Variants in RPH3AL observed in about 807,000 individuals in gnomAD.
RPH3AL encodes rabphilin 3A like (without C2 domains), also known as rab effector Noc2.
Under a neutral mutation model 43.1 loss-of-function variants are expected in RPH3AL, and 38 were observed. The observed-to-expected ratio is 0.88, with a 90% CI of 0.68 to 1.15. The LOEUF (loss-of-function observed/expected upper bound fraction) is 1.15. Among genes scored for constraint, RPH3AL ranks in the 50% most tolerant of loss-of-function variants. RPH3AL has a pLI of 0.00. For missense variants in RPH3AL, 462 were observed against 423.2 expected (o/e 1.09, Z -0.81); for synonymous variants, 189 against 176.3 (o/e 1.07, Z -0.57).
At chr17:247,496 T>G (rs2041796115) in intron 6 of RPH3AL, 1 of 529,630 alleles carries the variant, frequency 1.9e-6, no homozygotes, top group Non-Finnish European at 3.3e-6. Flanking sequence ...TTTCTCTCCC[T>G]TATTTTAGAG....
intron 1 of RPH3AL, among the ~76,000 whole-genome samples, chr17:348,093 T>TAAA (rs71145709): frequency 4.2e-5 from 6 of 142,376 alleles, no homozygotes; most frequent in Admixed American, 2.8e-4. Flanking sequence ...AAGGAGCAGT[T>TAAA]AAAAAAAAAA....
At chr17:301,061 G>C (rs942126483) in intron 5 of RPH3AL, among the ~76,000 whole-genome samples, 21 of 152,260 alleles carry the variant, frequency 1.4e-4, no homozygotes, top group African/African-American at 5.1e-4. Flanking sequence ...CCAGGGCAAG[G>C]CCTCAGGCCC....
At chr17:235,899 A>G (rs11655748) in intron 7 of RPH3AL, among the ~76,000 whole-genome samples, 14,425 of 94,440 alleles carry the variant, frequency 0.15, 1,457 homozygotes, top group Middle Eastern at 0.25. Context: ...CAAGAGGGAT[A>G]CAGGGTTCAA....
chr17:241,008 G>A lies in RPH3AL; in HGVS notation c.613+6103C>T, dbSNP rs145446612. Among the ~76,000 whole-genome samples, 1,216 of 151,990 alleles carry A rather than the reference G, an allele frequency of 8.0e-3. 16 individuals carry two copies. The highest frequency in any genetic ancestry group is 0.027 in the African/African-American group (1,137 of 41,470). On this transcript the variant is annotated intron_variant, in intron 7 of 9. Coordinates refer to ENST00000331302, the MANE Select transcript of RPH3AL (RefSeq NM_006987.4). ...GGAGGCAGAGGTTGCAGTGAGCCGA[G>A]ATTGTGCCACTGCACTCCAGCCTGG... is the stretch of plus-strand genomic sequence containing the variant.
intron 6 of RPH3AL, among the ~76,000 whole-genome samples, chr17:249,271 C>T (rs979850047): frequency 1.3e-5 from 2 of 152,104 alleles, no homozygotes; most frequent in Admixed American, 1.3e-4. Context: ...GGTTCCGAGC[C>T]GACGTCCTGA....
Position 225,567 on chromosome 17 carries a change from C to T in RPH3AL, c.614-5831G>A, listed in dbSNP as rs2041089332. ...TCCCATGTTGCCCTTGGGGCAGCTA[C>T]AGTGAAATTAGAGGCCTGTGGCTCA... On this transcript the variant is annotated intron_variant, in intron 7 of 9. Coordinates refer to ENST00000331302, the MANE Select transcript of RPH3AL (RefSeq NM_006987.4). This position sits in a 1 kb window ranked among gnomAD's most constrained non-coding sequence, Gnocchi z 4.4. 6.6e-6 allele frequency among the ~76,000 whole-genome samples: 1 copy of T among 152,192 alleles called. No individual in the cohort carries two copies. The highest frequency in any genetic ancestry group is 2.1e-4 in the South Asian group (1 of 4,832).
rs1005177190 is a variant in RPH3AL, at chr17:245,240, G to A, written c.613+1871C>T. ...CCATGTGGATGTGTGTGTGCGTGTG[G>A]ATGAGAGCATGTGTGTGTGCACGTG... On this transcript the variant is annotated intron_variant, in intron 7 of 9. Coordinates refer to ENST00000331302, the MANE Select transcript of RPH3AL (RefSeq NM_006987.4). This position sits in a 1 kb window ranked among gnomAD's most constrained non-coding sequence, Gnocchi z 5.9. Among the ~76,000 whole-genome samples the A allele has an allele frequency of 2.7e-5, 4 of 146,282 alleles. No homozygotes were observed. Among genetic ancestry groups the A allele is most frequent in the Admixed American group, 1.4e-4 (2 of 14,636 alleles).
chr17:338,064 C>T (rs1026681886), intron 1 of RPH3AL, among the ~76,000 whole-genome samples: 23 of 152,224 alleles, frequency 1.5e-4, no homozygotes, highest in Non-Finnish European at 2.5e-4. Context: ...GCTCTGCCTA[C>T]GTGTCCCCAG....
intron 6 of RPH3AL, 137 bp from the exon 7 acceptor site, chr17:247,422 T>C (rs953253463): frequency 2.6e-5 from 22 of 830,300 alleles, no homozygotes; most frequent in Middle Eastern, 3.7e-4. Context: ...CTGCCCTCCC[T>C]GGCTGATGGG....
At chr17:315,259 C>T (rs2043939583) in intron 5 of RPH3AL, among the ~76,000 whole-genome samples, 1 of 151,668 alleles carries the variant, frequency 6.6e-6, no homozygotes. Context: ...CCCTGTGCCC[C>T]CACCTCCATT....
chr17:232,556 G>A (rs980211486), intron 7 of RPH3AL, among the ~76,000 whole-genome samples: 1 of 152,190 alleles, frequency 6.6e-6, no homozygotes, highest in African/African-American at 2.4e-5. Context: ...GACCCACGGT[G>A]GCCTCGGGCA....
intron 7 of RPH3AL, among the ~76,000 whole-genome samples, chr17:230,889 T>C (rs891691109): frequency 5.9e-5 from 9 of 152,188 alleles, no homozygotes; most frequent in Non-Finnish European, 2.9e-5. Flanking sequence ...TCTCGCTATG[T>C]TGTCCAGGTT....
rs1355406080 is a variant in RPH3AL at position 215,522 on chromosome 17, C to A, written c.876+132G>T. On this transcript the variant is annotated intron_variant, in intron 9 of 9. Coordinates refer to ENST00000331302, the MANE Select transcript of RPH3AL (RefSeq NM_006987.4). This position sits in a 1 kb window ranked among gnomAD's most constrained non-coding sequence, Gnocchi z 4.1. ...ATGGGGTCTGGCTCACCTTGTTCCC[C>A]CGCACAGTGCTTGGTAAACAACATG... 1.2e-6 allele frequency: 1 copy of A among 864,978 alleles called. No individual in the cohort carries two copies. Among genetic ancestry groups the A allele is most frequent in the Non-Finnish European group, 1.5e-6 (1 of 651,344 alleles). 53.6% of individuals were successfully genotyped at this position (864,978 alleles called of 1,614,324 possible).
intron 1 of RPH3AL, among the ~76,000 whole-genome samples, chr17:343,731 A>C (rs1356456813): frequency 6.6e-6 from 1 of 152,198 alleles, no homozygotes; most frequent in Non-Finnish European, 1.5e-5. Context: ...ACTACTATCC[A>C]TCCAGTGGGT....
chr17:307,336 AGGTCCTCCCCGCG>A (rs1443708267), intron 5 of RPH3AL, among the ~76,000 whole-genome samples: 3 of 141,330 alleles, frequency 2.1e-5, no homozygotes, highest in East Asian at 2.1e-4. Flanking sequence ...TCCCCACGGC[AGGTCCTCCCCGCG>A]GCAGGTCCAT....
At position 246,801 on chromosome 17, in the gene RPH3AL, G is replaced by A. The variant is rs370793837; in HGVS notation, c.613+310C>T. Among the ~76,000 whole-genome samples, 4 of 152,200 alleles carry A rather than the reference G, an allele frequency of 2.6e-5. No homozygotes were observed. The highest frequency in any genetic ancestry group is 2.1e-4 in the South Asian group (1 of 4,830). On this transcript the variant is annotated intron_variant, in intron 7 of 9. Coordinates refer to ENST00000331302, the MANE Select transcript of RPH3AL (RefSeq NM_006987.4). The surrounding 1 kb of genome is among the most constrained non-coding windows in gnomAD (Gnocchi z 4.8). ...TACTTTGCAAAATACCTTAATTGAC[G>A]TCCCATTTCTGTGAAGATGCGTAGT...
At chr17:277,146 G>T (rs1397024038) in intron 6 of RPH3AL, among the ~76,000 whole-genome samples, 2 of 152,120 alleles carry the variant, frequency 1.3e-5, no homozygotes. Context: ...AGAAAGAAAT[G>T]AAAACAATTT....
intron 5 of RPH3AL, among the ~76,000 whole-genome samples, chr17:291,998 C>T (rs1005176558): frequency 1.3e-4 from 20 of 152,180 alleles, no homozygotes; most frequent in African/African-American, 4.8e-4. Context: ...ATGCTAAATG[C>T]TTTGGAAAGT....
In RPH3AL at chr17:215,799, C is replaced by A; in HGVS notation, c.731G>T (p.Gly244Val). ...CCCCATCCTGGGGGCCTCCACGCTG[C>A]CACCTGTGGGAAATCACGTGTGGGC... ...KGDKPWKESG[G>V]SVEAPRMGFT... The change falls in exon 9 of 10, where the codon GGC becomes GTC. Residue 244 changes from glycine (G) to valine (V), a missense_variant. By Grantham distance (109) the Gly-to-Val change is moderately radical. Coordinates refer to ENST00000331302, the MANE Select transcript of RPH3AL (RefSeq NM_006987.4). This position sits in a 1 kb window ranked among gnomAD's most constrained non-coding sequence, Gnocchi z 4.1. The A allele has an allele frequency of 7.7e-7, 1 of 1,298,842 alleles. No individual in the cohort carries two copies. The highest frequency in any genetic ancestry group is 9.8e-7 in the Non-Finnish European group (1 of 1,019,930). The allele number at this position is 1,298,842 out of a possible 1,614,324, so 80.5% of individuals were successfully genotyped here. A position where few individuals can be genotyped will look rare whatever the true frequency, so the allele number is the denominator to read the frequency against.
Sources: gnomAD v4.1 joint callset for allele counts (sites outside exome capture counted in the v4.1 genomes callset) on GRCh38, gnomAD v4.1.1 for gene constraint, Gnocchi (gnomAD v3.1) non-coding constraint, MANE v1.5 for transcripts, NCBI Gene and HGNC (gene_info 2026-07-23, HGNC 2026-07-21) for gene names.